Variants in AADACL4 observed in about 807,000 individuals in gnomAD.
AADACL4 encodes arylacetamide deacetylase like 4.
Under a neutral mutation model 14.1 loss-of-function variants are expected in AADACL4, and 9 were observed. The ratio of observed to expected loss-of-function variants is 0.64; its 90% CI spans 0.39 to 1.12. The LOEUF (loss-of-function observed/expected upper bound fraction) is 1.12. Ranked by LOEUF, AADACL4 falls within the 50% of genes most tolerant of loss-of-function variation. AADACL4 has a pLI of 0.01. For missense variants in AADACL4, 531 were observed against 516.1 expected, an observed-to-expected ratio of 1.03 and a Z score of -0.28; for synonymous variants, 188 against 201.6, an observed-to-expected ratio of 0.93 and a Z score of 0.57.
At chr1:12,650,841 T>C (rs1384747004) in intron 1 of AADACL4, among the ~76,000 whole-genome samples, 2 of 152,164 alleles carry the variant, frequency 1.3e-5, no homozygotes, top group Non-Finnish European at 2.9e-5. Context: ...AACAATTGGC[T>C]TTTCTAAGTC....
At chr1:12,647,051 A>G (rs1175393107) in intron 1 of AADACL4, among the ~76,000 whole-genome samples, 1 of 149,888 alleles carries the variant, frequency 6.7e-6, no homozygotes, top group African/African-American at 2.5e-5. Context: ...TTGTGGACTC[A>G]TGTTTTTGTG....
In AADACL4 at chr1:12,666,286, A is replaced by G. The variant is rs765703224; in HGVS notation, c.775A>G (p.Ile259Val). The G allele has an allele frequency of 9.9e-6, 16 of 1,614,128 alleles. No homozygotes were observed. The Admixed American group carries it at 1.0e-4, about 10-fold the overall frequency. ...GACTTCTCTGTGTAACTATCTGGCC[A>G]TTGACCTCTCCTGGCGTGACGCCAT... Reference protein sequence around the residue: ...MVTSLCNYLAIDLSWRDAILN... With the variant: ...MVTSLCNYLAVDLSWRDAILN... Residue 259 changes from isoleucine (I) to valine (V), a missense_variant, in exon 4 of 4, where the codon ATT becomes GTT. Ile to Val is a conservative substitution (Grantham distance 29). Coordinates refer to ENST00000376221, the MANE Select transcript of AADACL4 (RefSeq NM_001013630.2).
intron 2 of AADACL4, among the ~76,000 whole-genome samples, chr1:12,655,384 G>T (rs967121710): frequency 3.3e-5 from 5 of 152,044 alleles, no homozygotes; most frequent in Non-Finnish European, 7.4e-5. Flanking sequence ...TTTTGTGGGG[G>T]CTGCCAGGAA....
Position 12,665,995 on chromosome 1 carries a change from C to G in AADACL4, c.484C>G (p.Leu162Val). Residue 162 changes from leucine to valine, a missense_variant, in exon 4 of 4, where the codon CTT (leucine) becomes GTT (valine). Physicochemically the swap from Leu to Val is conservative, Grantham distance 32. Coordinates refer to ENST00000376221, the MANE Select transcript of AADACL4 (RefSeq NM_001013630.2). ...RKLPDHHSPA[L>V]FQDCMNASIH... ...GCTTCCTGACCACCATTCCCCTGCC[C>G]TTTTCCAAGACTGCATGAATGCCTC... 2 of 1,612,652 alleles carry G rather than the reference C, an allele frequency of 1.2e-6. No homozygotes were observed. Among genetic ancestry groups the G allele is most frequent in the African/African-American group, 1.3e-5 (1 of 75,026 alleles).
chr1:12,645,888 A>G (rs1219062598), intron 1 of AADACL4, among the ~76,000 whole-genome samples: 1 of 152,068 alleles, frequency 6.6e-6, no homozygotes, highest in Non-Finnish European at 1.5e-5. Context: ...GCCCAGTCCC[A>G]CTCACAGAGC....
chr1:12,644,195 G>A lies in AADACL4; in HGVS notation c.-352G>A, dbSNP rs1481921881. The stretch of plus-strand genomic sequence containing the variant: ...CTTACAGTTGAAAGATCAGGCCCTG[G>A]AGGCCTATATAACCCATATGAGATC... On this transcript the variant is annotated 5_prime_UTR_variant, in exon 1 of 4. Coordinates refer to ENST00000376221, the MANE Select transcript of AADACL4 (RefSeq NM_001013630.2). 6.6e-6 allele frequency among the ~76,000 whole-genome samples: 1 copy of A among 152,192 alleles called. No homozygotes were observed. The highest frequency in any genetic ancestry group is 1.9e-4 in the East Asian group (1 of 5,196).
intron 2 of AADACL4, 25 bp downstream of exon 2, chr1:12,651,364 T>C: frequency 3.7e-6 from 6 of 1,610,970 alleles, no homozygotes; most frequent in African/African-American, 1.3e-5. Flanking sequence ...TGTGGCTTTG[T>C]AGAGGAAGGG....
At chr1:12,656,465 C>T (rs1647179503) in intron 2 of AADACL4, among the ~76,000 whole-genome samples, 1 of 152,130 alleles carries the variant, frequency 6.6e-6, no homozygotes, top group African/African-American at 2.4e-5. Flanking sequence ...ACATTTACCA[C>T]CAGGTAAAGC....
chr1:12,644,405 T>C lies in AADACL4; in HGVS notation c.-142T>C, dbSNP rs1343560485. The stretch of plus-strand genomic sequence containing the variant: ...TTTTTGTGCTTACCCTGAGAAGCTG[T>C]GTCAGGCCACTGTGTCAGGTGTCAG... On this transcript the variant is annotated 5_prime_UTR_variant, in exon 1 of 4. Transcript: ENST00000376221. 1 of 910,840 alleles carries C rather than the reference T, an allele frequency of 1.1e-6. No homozygotes were observed. Among genetic ancestry groups the C allele is most frequent in the Non-Finnish European group, 1.6e-6 (1 of 612,214 alleles). The allele number at this position is 910,840 out of a possible 1,614,324, so 56.4% of individuals were successfully genotyped here.
chr1:12,657,298 A>G (rs1647183412), intron 2 of AADACL4, among the ~76,000 whole-genome samples: 1 of 152,132 alleles, frequency 6.6e-6, no homozygotes, highest in African/African-American at 2.4e-5. Flanking sequence ...AGCTAGCTCC[A>G]AGAAAGAAGG....
intron 2 of AADACL4, among the ~76,000 whole-genome samples, chr1:12,659,128 A>G (rs1355351086): frequency 6.6e-6 from 1 of 152,304 alleles, no homozygotes; most frequent in African/African-American, 2.4e-5. Context: ...TTCTCCCGGT[A>G]CATAACTTCC....
chr1:12,645,236 T>A (rs1647103726), intron 1 of AADACL4, among the ~76,000 whole-genome samples: 1 of 134,416 alleles, frequency 7.4e-6, no homozygotes, highest in South Asian at 2.7e-4. Context: ...ATCTCCTTTC[T>A]TCCTTCCCTC....
intron 2 of AADACL4, among the ~76,000 whole-genome samples, chr1:12,659,039 G>T (rs1647206313): frequency 6.6e-6 from 1 of 152,216 alleles, no homozygotes. Context: ...ATGAGCTTGC[G>T]AATGAACAAA....
intron 2 of AADACL4, among the ~76,000 whole-genome samples, chr1:12,653,491 G>A (rs563993054): frequency 2.0e-5 from 3 of 152,332 alleles, no homozygotes; most frequent in South Asian, 4.1e-4. Context: ...TAGCCTGTTG[G>A]TAAAACTTTG....
At chr1:12,657,619 G>T (rs981241308) in intron 2 of AADACL4, among the ~76,000 whole-genome samples, 1 of 152,190 alleles carries the variant, frequency 6.6e-6, no homozygotes, top group South Asian at 2.1e-4. Flanking sequence ...AGAGACACGT[G>T]CGAGGAGGAT....
At chr1:12,663,344 A>G (rs528646169) in intron 3 of AADACL4, among the ~76,000 whole-genome samples, 16 of 152,200 alleles carry the variant, frequency 1.1e-4, no homozygotes, top group Non-Finnish European at 2.4e-4. Flanking sequence ...GGGTGTCAGC[A>G]TGGTCAGGCT....
At chr1:12,663,725 A>G (rs575502153) in intron 3 of AADACL4, among the ~76,000 whole-genome samples, 33 of 152,268 alleles carry the variant, frequency 2.2e-4, no homozygotes, top group South Asian at 8.3e-4. Context: ...TATATTCAAC[A>G]TTTGGTGAGG....
chr1:12,663,345 T>C, intron 3 of AADACL4, among the ~76,000 whole-genome samples: 1 of 152,200 alleles, frequency 6.6e-6, no homozygotes, highest in East Asian at 1.9e-4. Flanking sequence ...GGTGTCAGCA[T>C]GGTCAGGCTC....
At position 12,652,509 on chromosome 1, in the gene AADACL4, G is replaced by A. The variant is rs148760666; in HGVS notation, c.385+1170G>A. 2.1e-3 allele frequency among the ~76,000 whole-genome samples: 319 copies of A among 152,308 alleles called. 1 individual carries two copies. The highest frequency in any genetic ancestry group is 7.3e-3 in the African/African-American group (302 of 41,562). ...AGCTGGTGTCCCTGCTCTTGAAACC[G>A]TTGGGAGAATGAATTCAAGGACAAG... On this transcript the variant is annotated intron_variant, in intron 2 of 3. Transcript: ENST00000376221.
Sources: gnomAD v4.1 joint callset for allele counts (sites outside exome capture counted in the v4.1 genomes callset) on GRCh38, gnomAD v4.1.1 for gene constraint, MANE v1.5 for transcripts, NCBI Gene and HGNC (gene_info 2026-07-23, HGNC 2026-07-21) for gene names.